The following IDH3A variants were observed in gnomAD, a reference collection of about 807,000 sequenced individuals.
The protein encoded by IDH3A is isocitrate dehydrogenase [NAD] subunit alpha, mitochondrial.
In IDH3A, 23 loss-of-function variants were observed where a neutral mutation model predicts 43.3. That is an observed-to-expected ratio of 0.53 (90% confidence interval 0.38 to 0.75). The LOEUF (loss-of-function observed/expected upper bound fraction) is 0.75, where lower values mean the gene tolerates loss of function less well. Ranked by LOEUF, IDH3A falls within the 30% of genes least tolerant of loss-of-function variation. IDH3A has a pLI of 0.00. For synonymous variants in IDH3A, 154 were observed against 163.5 expected, an observed-to-expected ratio of 0.94 and a Z score of 0.44; for missense variants, 329 against 474.4, an observed-to-expected ratio of 0.69 and a Z score of 2.85.
Position 78,157,541 on chromosome 15 carries a change from T to G in IDH3A, c.91-7T>G. 6.3e-7 allele frequency: 1 copy of G among 1,585,812 alleles called. No homozygotes were observed. The highest frequency in any genetic ancestry group is 8.6e-7 in the Non-Finnish European group (1 of 1,164,622). ...TACTGTCTTCTTTGATGATTTCTTA[T>G]GTTCAGGTTCAGACAGTAACTTTAA... On this transcript the variant is annotated splice_polypyrimidine_tract_variant and splice_region_variant and intron_variant, in intron 2 of 10. Transcript: ENST00000299518.
intron 2 of IDH3A, 159 bp downstream of exon 2, chr15:78,155,434 A>C: frequency 1.9e-6 from 1 of 524,374 alleles, no homozygotes; most frequent in Non-Finnish European, 3.4e-6. Flanking sequence ...GACATGCACA[A>C]ATCTGTTAGG....
At chr15:78,159,512 T>C (rs986912180) in intron 3 of IDH3A, among the ~76,000 whole-genome samples, 26 of 152,222 alleles carry the variant, frequency 1.7e-4, no homozygotes, top group African/African-American at 6.0e-4. Flanking sequence ...CTGCTACTTA[T>C]GATATTCTAA....
intron 6 of IDH3A, 137 bp from the exon 7 acceptor site, chr15:78,163,370 A>G (rs745848231): frequency 1.2e-5 from 7 of 604,888 alleles, no homozygotes; most frequent in Non-Finnish European, 1.8e-5. Flanking sequence ...CTACCTAAGA[A>G]ATAATTTTAT....
In IDH3A at chr15:78,170,797, T is replaced by C. The variant is rs1296037647; in HGVS notation, c.*1792T>C. The C allele has an allele frequency of 1.3e-5, 2 of 152,834 alleles. No homozygotes were observed. The highest frequency in any genetic ancestry group is 2.9e-5 in the Non-Finnish European group (2 of 68,206). 9.5% of individuals were successfully genotyped at this position (152,834 alleles called of 1,614,324 possible). ...CCTGTGAGTTAAATGCCCACTACTC[T>C]CTGCACTGGTCCCACCTGCTCAATT... On this transcript the variant is annotated 3_prime_UTR_variant, in exon 11 of 11. Transcript: ENST00000299518.
chr15:78,149,988 T>G (rs2074560636), intron 1 of IDH3A, among the ~76,000 whole-genome samples: 1 of 152,218 alleles, frequency 6.6e-6, no homozygotes, highest in South Asian at 2.1e-4. Flanking sequence ...TGTTTTCCCT[T>G]TGGCGCTCTT....
Position 78,162,173 on chromosome 15 carries a change from C to T in IDH3A, c.478-61C>T, listed in dbSNP as rs754052419. Reference sequence around the variant, plus strand: ...AATGTTACTGTCTACTCCCCACCCTCTGTCTCCCACTGCGTTGCTGTCACA... The same window carrying T: ...AATGTTACTGTCTACTCCCCACCCTTTGTCTCCCACTGCGTTGCTGTCACA... On this transcript the variant is annotated intron_variant, in intron 5 of 10. Transcript: ENST00000299518. 50 of 1,596,132 alleles carry T rather than the reference C, an allele frequency of 3.1e-5. No individual in the cohort carries two copies. In the Middle Eastern group the frequency reaches 1.8e-3, roughly 58 times the overall value.
At chr15:78,156,860 C>T (rs933442416) in intron 2 of IDH3A, 1 of 1,329,728 alleles carries the variant, frequency 7.5e-7, no homozygotes, top group Admixed American at 1.9e-5. Flanking sequence ...CTAAGTGTGA[C>T]TCAGGCTTTG....
At position 78,161,304 on chromosome 15, in the gene IDH3A, C is replaced by T. The variant is rs1018818306; in HGVS notation, c.290-277C>T. Among the ~76,000 whole-genome samples, 19 of 152,156 alleles carry T rather than the reference C, an allele frequency of 1.2e-4. No individual in the cohort carries two copies. The highest frequency in any genetic ancestry group is 4.4e-5 in the Non-Finnish European group (3 of 68,024). ...TTCTTTTTTCGTCATTTTTAAATGACAGTAACAGAGTTGCTGTTGTACGGG... is the reference window on the plus strand; with the variant it reads ...TTCTTTTTTCGTCATTTTTAAATGATAGTAACAGAGTTGCTGTTGTACGGG... On this transcript the variant is annotated intron_variant, in intron 4 of 10. Transcript: ENST00000299518. The surrounding 1 kb of genome is among the most constrained non-coding windows in gnomAD (Gnocchi z 4.8).
Position 78,161,667 on chromosome 15 carries a change from C to T in IDH3A, c.376C>T (p.Pro126Ser). Residue 126 changes from proline (P) to serine (S), a missense_variant, in exon 5 of 11, where the codon CCA (proline) becomes TCA (serine). By Grantham distance (74) the Pro-to-Ser change is moderately conservative (BLOSUM62 -1). This residue lies in a region of IDH3A where 212 missense variants were observed against 345.5 expected (regional missense o/e 0.61). Coordinates refer to ENST00000299518, the MANE Select transcript of IDH3A (RefSeq NM_005530.3). The surrounding 1 kb of genome is among the most constrained non-coding windows in gnomAD (Gnocchi z 4.8). Reference protein sequence around the residue: ...KTFDLYANVRPCVSIEGYKTP... With the variant: ...KTFDLYANVRSCVSIEGYKTP... ...ATTTGACCTTTACGCGAATGTCCGA[C>T]CATGTGTCTCTATCGAAGGCTATAA... 6.2e-7 allele frequency: 1 copy of T among 1,614,138 alleles called. No homozygotes were observed. Among genetic ancestry groups the T allele is most frequent in the Middle Eastern group, 1.6e-4 (1 of 6,062 alleles).
Position 78,169,115 on chromosome 15 carries a change from A to G in IDH3A, c.*110A>G, listed in dbSNP as rs17674205. ...TGGTTTGCTTGTTTCTTGACAGTAC[A>G]TTTTTAGATCTGGCCTTTTCTTAAC... On this transcript the variant is annotated 3_prime_UTR_variant, in exon 11 of 11. Coordinates refer to ENST00000299518, the MANE Select transcript of IDH3A (RefSeq NM_005530.3). 0.068 allele frequency: 41,410 copies of G among 606,398 alleles called. 1,945 individuals carry two copies. The highest frequency in any genetic ancestry group is 0.085 in the Non-Finnish European group (30,391 of 355,910). 37.6% of individuals were successfully genotyped at this position (606,398 alleles called of 1,614,324 possible).
chr15:78,165,255 G>A (rs1289275827), intron 9 of IDH3A, among the ~76,000 whole-genome samples, 179 bp downstream of exon 9: 3 of 151,776 alleles, frequency 2.0e-5, no homozygotes, highest in South Asian at 2.1e-4. Context: ...ACAGTGGTGC[G>A]ATCTTGGCTC....
At chr15:78,160,787 T>A (rs887046473) in intron 4 of IDH3A, among the ~76,000 whole-genome samples, 1 of 151,420 alleles carries the variant, frequency 6.6e-6, no homozygotes, top group Non-Finnish European at 1.5e-5. Flanking sequence ...ACTTAGCCAC[T>A]GTGCCTGGCC....
chr15:78,166,470 C>T, intron 10 of IDH3A, 168 bp downstream of exon 10: 1 of 690,382 alleles, frequency 1.4e-6, no homozygotes, highest in South Asian at 1.7e-5. Context: ...TATGTGTGCA[C>T]ATGTGTGCAT....
intron 6 of IDH3A, among the ~76,000 whole-genome samples, chr15:78,163,011 G>T (rs1417834935): frequency 6.6e-6 from 1 of 152,206 alleles, no homozygotes; most frequent in Non-Finnish European, 1.5e-5. Flanking sequence ...AGGCCACATA[G>T]CGTACGTTTT....
At chr15:78,150,383 A>ATGAAAGGG (rs919470318) in intron 1 of IDH3A, among the ~76,000 whole-genome samples, 4 of 152,216 alleles carry the variant, frequency 2.6e-5, no homozygotes, top group Admixed American at 6.5e-5. Context: ...TCCTGTTGCT[A>ATGAAAGGG]TGAAAGGGTG....
intron 1 of IDH3A, among the ~76,000 whole-genome samples, chr15:78,149,750 G>C (rs1013282475): frequency 6.6e-6 from 1 of 152,246 alleles, no homozygotes; most frequent in Admixed American, 6.5e-5. Flanking sequence ...CCCAGGCTTC[G>C]CGCCGAGCCC....
At position 78,161,540 on chromosome 15, in the gene IDH3A, A is replaced by C; in HGVS notation, c.290-41A>C. 6.4e-7 allele frequency: 1 copy of C among 1,569,014 alleles called. No homozygotes were observed. Among genetic ancestry groups the C allele is most frequent in the Non-Finnish European group, 8.7e-7 (1 of 1,150,060 alleles). ...GTTAGTAGGTCACACGTGAGACCAG[A>C]ATTCCTTCTAGTGTCATCTGGGTTT... On this transcript the variant is annotated intron_variant, in intron 4 of 10. Transcript: ENST00000299518. The surrounding 1 kb of genome is among the most constrained non-coding windows in gnomAD (Gnocchi z 4.8).
At chr15:78,149,703 AC>A (rs2074557384) in intron 1 of IDH3A, among the ~76,000 whole-genome samples, 1 of 152,096 alleles carries the variant, frequency 6.6e-6, no homozygotes, top group Non-Finnish European at 1.5e-5. Context: ...TCCTGCCGAG[AC>A]CCGGCTGCCG....
Position 78,157,782 on chromosome 15 carries a change from G to A in IDH3A, c.174+151G>A, listed in dbSNP as rs1038139921. On this transcript the variant is annotated intron_variant, in intron 3 of 10. Transcript: ENST00000299518. ...ATCTCCACCGATTGTCACTTTAACA[G>A]TGTGTGTCTCAGTGTTTGCTACTGC... 5.3e-6 allele frequency: 3 copies of A among 564,936 alleles called. No homozygotes were observed. In the Admixed American group the frequency reaches 1.0e-4, roughly 20 times the overall value. 35.0% of individuals were successfully genotyped at this position (564,936 alleles called of 1,614,324 possible).
Sources: allele counts gnomAD v4.1 joint callset (sites outside exome capture counted in the v4.1 genomes callset), GRCh38; gene constraint gnomAD v4.1.1; regional missense constraint gnomAD v4.1.1; non-coding constraint Gnocchi (gnomAD v3.1); transcripts MANE v1.5; gene names NCBI Gene and HGNC (gene_info 2026-07-23, HGNC 2026-07-21).